The following LAMA2 variants were observed in gnomAD, a reference collection of about 807,000 sequenced individuals.
LAMA2 encodes the protein laminin subunit alpha 2.
A neutral mutation model predicts 364.8 loss-of-function variants in LAMA2; 269 were observed. The ratio of observed to expected loss-of-function variants is 0.74; its 90% CI spans 0.67 to 0.82. The LOEUF is 0.82. LAMA2 is among the 40% of genes least tolerant of loss of function. LAMA2 has a pLI of 0.00. For missense variants in LAMA2, 3,807 were observed against 3,873.2 expected (o/e 0.98, Z 0.45); for synonymous variants, 1,379 against 1,370.6 (o/e 1.01, Z -0.14).
chr6:129,044,517 C>T (rs983284454), intron 1 of LAMA2, among the ~76,000 whole-genome samples: 2 of 151,402 alleles, frequency 1.3e-5, no homozygotes, highest in African/African-American at 2.4e-5. Flanking sequence ...CAAATTTTCA[C>T]ATGATATACA....
At chr6:129,484,325 A>G (rs1175251486) in intron 55 of LAMA2, among the ~76,000 whole-genome samples, 1 of 152,216 alleles carries the variant, frequency 6.6e-6, no homozygotes, top group African/African-American at 2.4e-5. Flanking sequence ...TGCTGGTAGA[A>G]AAAGTAAATT....
At chr6:129,105,518 G>C (rs1235913132) in intron 4 of LAMA2, among the ~76,000 whole-genome samples, 4 of 152,092 alleles carry the variant, frequency 2.6e-5, no homozygotes, top group African/African-American at 9.7e-5. Context: ...AGTACTCTTG[G>C]TGATTCTTAT....
At chr6:128,942,990 G>T (rs1326070689) in intron 1 of LAMA2, among the ~76,000 whole-genome samples, 2 of 152,126 alleles carry the variant, frequency 1.3e-5, no homozygotes, top group African/African-American at 4.8e-5. Flanking sequence ...GACTTTCATT[G>T]TCATCAGTTC....
chr6:128,967,451 T>G (rs185309019), intron 1 of LAMA2, among the ~76,000 whole-genome samples: 286 of 152,286 alleles, frequency 1.9e-3, no homozygotes, highest in African/African-American at 6.5e-3. Context: ...GAGCTTTGCA[T>G]GGGCACCCAC....
chr6:129,514,418 T>C lies in LAMA2; in HGVS notation c.9034T>C (p.Tyr3012His), dbSNP rs777156120. 7.4e-6 allele frequency: 12 copies of C among 1,613,962 alleles called. No individual in the cohort carries two copies. The African/African-American group carries it at 1.1e-4, about 14-fold the overall frequency. ...DNGAGRFTAV[Y>H]DAGVPGHLCD... is the part of the protein sequence containing the mutation. ...TGGTGCGGGCAGATTCACTGCTGTCTATGATGCTGGGGTTCCAGGGCATTT... is the reference window on the plus strand; with the variant it reads ...TGGTGCGGGCAGATTCACTGCTGTCCATGATGCTGGGGTTCCAGGGCATTT... Residue 3012 changes from tyrosine (Y) to histidine (H), a missense_variant, in exon 64 of 65, where the codon TAT becomes CAT. Physicochemically the swap from Tyr to His is moderately conservative, Grantham distance 83. Transcript: ENST00000421865.
chr6:129,229,317 G>A (rs1035134778), intron 12 of LAMA2, among the ~76,000 whole-genome samples: 1 of 152,132 alleles, frequency 6.6e-6, no homozygotes, highest in Non-Finnish European at 1.5e-5. Context: ...AAAAAGTTAT[G>A]TGGGTATCTG....
At chr6:128,982,541 G>A (rs1421191785) in intron 1 of LAMA2, among the ~76,000 whole-genome samples, 3 of 152,048 alleles carry the variant, frequency 2.0e-5, no homozygotes, top group Admixed American at 6.6e-5. Context: ...AGTGAAAATT[G>A]TATATCACTG....
At chr6:129,104,806 A>G (rs544762826) in intron 4 of LAMA2, among the ~76,000 whole-genome samples, 9 of 152,152 alleles carry the variant, frequency 5.9e-5, no homozygotes, top group Non-Finnish European at 1.3e-4. Flanking sequence ...CAAGAGATCA[A>G]CAAATGTTAG....
At chr6:129,376,652 C>T (rs9388700) in intron 34 of LAMA2, among the ~76,000 whole-genome samples, 57,634 of 151,952 alleles carry the variant, frequency 0.38, 12,615 homozygotes, top group Non-Finnish European at 0.49. Context: ...CATTGCCACA[C>T]ATTTCTTTAT....
At chr6:129,084,680 C>CCTG (rs1443313677) in intron 3 of LAMA2, among the ~76,000 whole-genome samples, 3 of 152,122 alleles carry the variant, frequency 2.0e-5, no homozygotes, top group African/African-American at 7.2e-5. Flanking sequence ...GTATTTACTA[C>CCTG]CTGCTGTTCC....
intron 16 of LAMA2, among the ~76,000 whole-genome samples, chr6:129,268,194 T>C (rs1787645341): frequency 6.6e-6 from 1 of 152,150 alleles, no homozygotes; most frequent in Non-Finnish European, 1.5e-5. Context: ...CCCTTTTCTC[T>C]ATATAAGATT....
chr6:129,169,061 A>G (rs28895916), intron 9 of LAMA2, among the ~76,000 whole-genome samples: 26 of 152,136 alleles, frequency 1.7e-4, no homozygotes, highest in Middle Eastern at 3.4e-3. Flanking sequence ...GAGATTTTGG[A>G]CTGAGACAAT....
At chr6:129,167,219 G>C (rs973060800) in intron 9 of LAMA2, among the ~76,000 whole-genome samples, 1 of 151,468 alleles carries the variant, frequency 6.6e-6, no homozygotes, top group African/African-American at 2.4e-5. Flanking sequence ...GTGCAGGTTA[G>C]TTACATATGT....
At chr6:128,909,170 A>T (rs1363142228) in intron 1 of LAMA2, among the ~76,000 whole-genome samples, 2 of 151,888 alleles carry the variant, frequency 1.3e-5, no homozygotes, top group Non-Finnish European at 2.9e-5. Flanking sequence ...TGCAGAGCTG[A>T]GTTCAATTCC....
At chr6:129,210,905 G>A (rs1303900295) in intron 12 of LAMA2, among the ~76,000 whole-genome samples, 1 of 152,088 alleles carries the variant, frequency 6.6e-6, no homozygotes, top group Admixed American at 6.6e-5. Flanking sequence ...TCAAGCAGAA[G>A]GTAGGGCTGG....
intron 1 of LAMA2, among the ~76,000 whole-genome samples, chr6:128,991,201 A>C (rs755013891): frequency 2.0e-5 from 3 of 152,162 alleles, no homozygotes; most frequent in Non-Finnish European, 4.4e-5. Context: ...CCTGCTGGGA[A>C]GCTTATTTTA....
intron 34 of LAMA2, among the ~76,000 whole-genome samples, chr6:129,370,868 G>C (rs567379962): frequency 6.6e-6 from 1 of 152,170 alleles, no homozygotes; most frequent in Admixed American, 6.5e-5. Flanking sequence ...TACATAGCCT[G>C]CTGTCGGTTT....
chr6:129,246,778 AG>A (rs1205556851), intron 12 of LAMA2, among the ~76,000 whole-genome samples: 4 of 152,188 alleles, frequency 2.6e-5, no homozygotes, highest in African/African-American at 9.7e-5. Context: ...GAGGGCAAGG[AG>A]GCACAAAACG....
chr6:129,014,212 A>G (rs1488756699), intron 1 of LAMA2, among the ~76,000 whole-genome samples: 2 of 152,204 alleles, frequency 1.3e-5, no homozygotes, highest in Admixed American at 6.5e-5. Context: ...AAATAGAACT[A>G]TTGATTTAAT....
Sources: allele counts gnomAD v4.1 joint callset (sites outside exome capture counted in the v4.1 genomes callset), GRCh38; gene constraint gnomAD v4.1.1; transcripts MANE v1.5; gene names NCBI Gene and HGNC (gene_info 2026-07-23, HGNC 2026-07-21).